LPGAT1: variants seen among roughly 807,000 people sequenced by gnomAD.
The protein encoded by LPGAT1 is lysophosphatidylglycerol acyltransferase 1.
Under a neutral mutation model 47.5 loss-of-function variants are expected in LPGAT1, and 11 were observed. That is an observed-to-expected ratio of 0.23 (90% CI 0.15 to 0.38). LPGAT1 has a LOEUF of 0.38. Among genes scored for constraint, LPGAT1 ranks in the 10% least tolerant of loss-of-function variants. The pLI is 1.00. For missense variants in LPGAT1, 293 were observed against 439.0 expected, an observed-to-expected ratio of 0.67 and a Z score of 2.97; for synonymous variants, 138 against 144.2, an observed-to-expected ratio of 0.96 and a Z score of 0.31.
rs1226552362 is a variant in LPGAT1, at chr1:211,747,878, A to G, written c.*2021T>C. On this transcript the variant is annotated 3_prime_UTR_variant, in exon 8 of 8. Transcript: ENST00000366997. ...ATTTAAAAAAAAATTGCATTTTATA[A>G]CAACCAGTCCCCAAACCAAACACAT... 6.6e-6 allele frequency: 1 copy of G among 152,664 alleles called. No homozygotes were observed. Among genetic ancestry groups the G allele is most frequent in the African/African-American group, 2.4e-5 (1 of 41,464 alleles). The allele number at this position is 152,664 out of a possible 1,614,324, so 9.5% of individuals were successfully genotyped here. A position where few individuals can be genotyped will look rare whatever the true frequency, so the allele number is the denominator to read the frequency against.
intron 2 of LPGAT1, among the ~76,000 whole-genome samples, chr1:211,797,417 T>C (rs1472255248): frequency 2.0e-5 from 3 of 151,726 alleles, no homozygotes; most frequent in Non-Finnish European, 4.4e-5. Flanking sequence ...CACACCCAGT[T>C]TGGATCAACT....
chr1:211,786,578 C>T (rs1209585989), intron 4 of LPGAT1, among the ~76,000 whole-genome samples: 1 of 152,208 alleles, frequency 6.6e-6, no homozygotes. Flanking sequence ...CTTCTTCCTA[C>T]ACTAAACTAT....
At chr1:211,765,130 A>G (rs1176049989) in intron 6 of LPGAT1, among the ~76,000 whole-genome samples, 1 of 152,240 alleles carries the variant, frequency 6.6e-6, no homozygotes, top group African/African-American at 2.4e-5. Flanking sequence ...TCTGCTTAAG[A>G]GAATCACTAT....
chr1:211,794,950 T>C (rs1190711848), intron 2 of LPGAT1, among the ~76,000 whole-genome samples: 1 of 152,210 alleles, frequency 6.6e-6, no homozygotes, highest in Non-Finnish European at 1.5e-5. Context: ...ACAAGGCTAC[T>C]CACTGCAGCT....
Position 211,744,189 on chromosome 1 carries a change from G to A in LPGAT1, c.*5710C>T, listed in dbSNP as rs1656854640. On this transcript the variant is annotated 3_prime_UTR_variant, in exon 8 of 8. Transcript: ENST00000366997. ...TGAGTTCAGCAAGTAGATTAACTAT[G>A]AGAAGTTTATTCAACACTAATAGTT... 1.3e-5 allele frequency: 2 copies of A among 152,172 alleles called. No homozygotes were observed. The highest frequency in any genetic ancestry group is 6.5e-5 in the Admixed American group (1 of 15,270). The allele number at this position is 152,172 out of a possible 1,614,324, so 9.4% of individuals were successfully genotyped here.
chr1:211,783,401 C>G lies in LPGAT1; in HGVS notation c.555G>C (p.Gly185=), dbSNP rs1658721080. 1 of 1,614,020 alleles carries G rather than the reference C, an allele frequency of 6.2e-7. No individual in the cohort carries two copies. The highest frequency in any genetic ancestry group is 1.3e-5 in the African/African-American group (1 of 74,906). ...DRKWIVLFPE[G]GFLRKRRETS... ...TTTCTCGCCTCTTCCTGAGGAAGCC[C>G]CCTTCTGGAAACAAAACAATCCATT... The change falls in exon 5 of 8, where the codon GGG becomes GGC. Residue 185 remains glycine, a synonymous_variant. Coordinates refer to ENST00000366997, the MANE Select transcript of LPGAT1 (RefSeq NM_014873.3).
intron 6 of LPGAT1, among the ~76,000 whole-genome samples, chr1:211,765,670 C>T (rs1657879347): frequency 6.6e-6 from 1 of 152,088 alleles, no homozygotes; most frequent in Admixed American, 6.5e-5. Flanking sequence ...TGCTTATTTC[C>T]AGTTACTTAC....
intron 4 of LPGAT1, among the ~76,000 whole-genome samples, chr1:211,784,722 T>A (rs1658785059): frequency 6.6e-6 from 1 of 151,390 alleles, no homozygotes; most frequent in Non-Finnish European, 1.5e-5. Flanking sequence ...GAAAAGAAGA[T>A]GACCTGAAGT....
intron 6 of LPGAT1, among the ~76,000 whole-genome samples, chr1:211,762,924 T>G (rs534270744): frequency 6.6e-6 from 1 of 152,322 alleles, no homozygotes; most frequent in South Asian, 2.1e-4. Flanking sequence ...ATGTCAAGAT[T>G]GTGTAAGGAA....
intron 2 of LPGAT1, among the ~76,000 whole-genome samples, chr1:211,800,622 C>T (rs1659538829): frequency 1.3e-5 from 2 of 152,144 alleles, no homozygotes; most frequent in South Asian, 2.1e-4. Flanking sequence ...AGCAATTCTT[C>T]CCCCTACAGC....
intron 5 of LPGAT1, among the ~76,000 whole-genome samples, chr1:211,779,257 A>G (rs1658537042): frequency 6.6e-6 from 1 of 152,184 alleles, no homozygotes. Context: ...CTCGAAACAA[A>G]GAACACTATT....
At chr1:211,780,404 G>A (rs1302542804) in intron 5 of LPGAT1, among the ~76,000 whole-genome samples, 1 of 152,138 alleles carries the variant, frequency 6.6e-6, no homozygotes, top group Non-Finnish European at 1.5e-5. Flanking sequence ...AGAACTGAGA[G>A]GGGAAACATC....
intron 3 of LPGAT1, among the ~76,000 whole-genome samples, chr1:211,790,371 A>G (rs900158431): frequency 6.6e-6 from 1 of 152,148 alleles, no homozygotes; most frequent in Non-Finnish European, 1.5e-5. Flanking sequence ...GAATTCAAAA[A>G]GCTATGTTAT....
At chr1:211,796,749 C>T (rs765152319) in intron 2 of LPGAT1, among the ~76,000 whole-genome samples, 3 of 152,028 alleles carry the variant, frequency 2.0e-5, no homozygotes, top group Non-Finnish European at 2.9e-5. Context: ...ATTGCATTAT[C>T]TTTTAATATT....
chr1:211,800,982 G>C (rs777541117), intron 2 of LPGAT1, among the ~76,000 whole-genome samples: 1 of 152,162 alleles, frequency 6.6e-6, no homozygotes, highest in Non-Finnish European at 1.5e-5. Flanking sequence ...ACTGACATTT[G>C]GGGTTCCCCA....
chr1:211,779,829 G>A (rs980659774), intron 5 of LPGAT1, among the ~76,000 whole-genome samples: 1 of 149,864 alleles, frequency 6.7e-6, no homozygotes, highest in African/African-American at 2.5e-5. Context: ...CTCCAGCCTG[G>A]GCACAAGAGC....
intron 6 of LPGAT1, among the ~76,000 whole-genome samples, chr1:211,759,310 G>A (rs1208802703): frequency 2.0e-5 from 3 of 152,032 alleles, no homozygotes; most frequent in Admixed American, 6.6e-5. Context: ...TGTTGCCCAG[G>A]CTGGTTTCAA....
At chr1:211,761,259 T>C (rs1379889725) in intron 6 of LPGAT1, among the ~76,000 whole-genome samples, 2 of 152,170 alleles carry the variant, frequency 1.3e-5, no homozygotes, top group East Asian at 3.8e-4. Flanking sequence ...TGCCAATCTA[T>C]TATCACTCAG....
intron 2 of LPGAT1, among the ~76,000 whole-genome samples, chr1:211,814,219 T>G (rs368071704): frequency 4.6e-5 from 7 of 152,226 alleles, no homozygotes; most frequent in East Asian, 3.8e-4. Context: ...CCCCCTGAGA[T>G]AACTCTGAAG....
Sources: allele counts gnomAD v4.1 joint callset (sites outside exome capture counted in the v4.1 genomes callset), GRCh38; gene constraint gnomAD v4.1.1; transcripts MANE v1.5; gene names NCBI Gene and HGNC (gene_info 2026-07-23, HGNC 2026-07-21).